MARCHF8: variants seen among roughly 807,000 people sequenced by gnomAD.
MARCHF8 encodes membrane associated ring-CH-type finger 8, also known as E3 ubiquitin-protein ligase MARCHF8.
MARCHF8 carries 40 observed loss-of-function variants against 51.6 expected under a neutral mutation model. The observed-to-expected ratio is 0.77, with a 90% CI of 0.60 to 1.01. MARCHF8 has a LOEUF of 1.01. Among genes scored for constraint, MARCHF8 ranks in the 50% least tolerant of loss-of-function variants. MARCHF8 has a pLI of 0.00. For missense variants in MARCHF8, 685 were observed against 708.6 expected, an observed-to-expected ratio of 0.97 and a Z score of 0.38; for synonymous variants, 263 against 280.3, an observed-to-expected ratio of 0.94 and a Z score of 0.62.
At chr10:45,579,823 G>A (rs2044532457) in intron 1 of MARCHF8, among the ~76,000 whole-genome samples, 2 of 151,916 alleles carry the variant, frequency 1.3e-5, no homozygotes, top group African/African-American at 4.8e-5. Flanking sequence ...AGACCAGCCT[G>A]GCCAACATGG....
chr10:45,501,909 T>C (rs1457446098), intron 2 of MARCHF8, among the ~76,000 whole-genome samples: 1 of 152,070 alleles, frequency 6.6e-6, no homozygotes, highest in Non-Finnish European at 1.5e-5. Flanking sequence ...GGCCATTAGA[T>C]AAATGAAAGT....
intron 1 of MARCHF8, among the ~76,000 whole-genome samples, chr10:45,550,020 C>T (rs966261055): frequency 6.6e-6 from 1 of 152,196 alleles, no homozygotes; most frequent in Non-Finnish European, 1.5e-5. Context: ...AGTCATACTG[C>T]AAACAGGCAG....
At chr10:45,496,330 T>C (rs757136093) in intron 2 of MARCHF8, among the ~76,000 whole-genome samples, 10 of 152,192 alleles carry the variant, frequency 6.6e-5, no homozygotes, top group Non-Finnish European at 1.3e-4. Context: ...TATAATTGTA[T>C]TGTTAAACCT....
intron 1 of MARCHF8, among the ~76,000 whole-genome samples, chr10:45,561,566 G>A (rs1482992288): frequency 2.0e-5 from 3 of 149,152 alleles, no homozygotes; most frequent in Admixed American, 6.7e-5. Flanking sequence ...GAGCCACCAC[G>A]CCCAGCCGAA....
At chr10:45,564,932 A>C (rs2044347732) in intron 1 of MARCHF8, among the ~76,000 whole-genome samples, 1 of 151,844 alleles carries the variant, frequency 6.6e-6, no homozygotes, top group African/African-American at 2.4e-5. Context: ...TCTGATAAAC[A>C]AAAACTAAGG....
At chr10:45,468,531 CTGATT>C (rs1048897812) in intron 3 of MARCHF8, among the ~76,000 whole-genome samples, 9 of 152,270 alleles carry the variant, frequency 5.9e-5, no homozygotes, top group African/African-American at 2.2e-4. Context: ...ATTTGCCCAT[CTGATT>C]TATTTCAAAA....
At chr10:45,503,647 T>C (rs1315054202) in intron 2 of MARCHF8, among the ~76,000 whole-genome samples, 1 of 151,896 alleles carries the variant, frequency 6.6e-6, no homozygotes, top group Non-Finnish European at 1.5e-5. Flanking sequence ...ATACAGGTAG[T>C]GTAAAATAAA....
intron 2 of MARCHF8, among the ~76,000 whole-genome samples, chr10:45,504,657 T>G (rs919168589): frequency 6.6e-6 from 1 of 152,234 alleles, no homozygotes; most frequent in African/African-American, 2.4e-5. Flanking sequence ...CCATACAGTA[T>G]GAATTTCATT....
In MARCHF8 at chr10:45,482,697, G is replaced by A. The variant is rs974840320; in HGVS notation, c.153+6670C>T. Reference sequence around the variant, plus strand: ...TTGAACCCAGGAGGCAGAGGTTGCAGTGAGCCTAGATAGTGCCACTGCACT... The same window carrying A: ...TTGAACCCAGGAGGCAGAGGTTGCAATGAGCCTAGATAGTGCCACTGCACT... On this transcript the variant is annotated intron_variant, in intron 3 of 7. Transcript: ENST00000453424. 2.0e-5 allele frequency among the ~76,000 whole-genome samples: 3 copies of A among 152,340 alleles called. No individual in the cohort carries two copies. The East Asian group carries it at 5.8e-4, about 29-fold the overall frequency.
intron 2 of MARCHF8, among the ~76,000 whole-genome samples, chr10:45,495,672 T>C (rs1035854934): frequency 1.3e-4 from 18 of 142,388 alleles, no homozygotes; most frequent in African/African-American, 4.5e-4. Flanking sequence ...TTTATGGCCA[T>C]GAAGAAGAGG....
intron 3 of MARCHF8, among the ~76,000 whole-genome samples, chr10:45,477,390 C>T (rs921557010): frequency 7.2e-5 from 11 of 152,032 alleles, no homozygotes; most frequent in African/African-American, 1.9e-4. Context: ...TGAAAACATA[C>T]CAAAGTATAA....
intron 6 of MARCHF8, chr10:45,459,992 G>A (rs1842735213): frequency 3.1e-6 from 2 of 653,590 alleles, no homozygotes; most frequent in African/African-American, 3.9e-5. Flanking sequence ...ATGAGTCTAT[G>A]CAGGGTAGTT....
Position 45,463,721 on chromosome 10 carries a change from G to A in MARCHF8, c.518C>T (p.Ala173Val), listed in dbSNP as rs1003649579. ...TTCAGAACAAGTTCTTTCCACATAGGCAAAACTTTCTGAAGTATCCTGCGC... is the reference window on the plus strand; with the variant it reads ...TTCAGAACAAGTTCTTTCCACATAGACAAAACTTTCTGAAGTATCCTGCGC... ...EKAQDTSESF[A>V]YVERTCSEGK... Residue 173 changes from alanine to valine, a missense_variant, in exon 5 of 8, where the codon GCC (alanine) becomes GTC (valine). Ala to Val is a moderately conservative substitution (Grantham distance 64). Coordinates refer to ENST00000453424, the MANE Select transcript of MARCHF8 (RefSeq NM_001282866.2). 7.1e-6 allele frequency: 11 copies of A among 1,551,112 alleles called. No individual in the cohort carries two copies. Among genetic ancestry groups the A allele is most frequent in the Non-Finnish European group, 9.6e-6 (11 of 1,147,110 alleles).
At chr10:45,523,304 T>C (rs2043739449) in intron 2 of MARCHF8, among the ~76,000 whole-genome samples, 1 of 152,222 alleles carries the variant, frequency 6.6e-6, no homozygotes, top group Admixed American at 6.5e-5. Context: ...GGTGGGAGGA[T>C]GGCTTGAGGC....
chr10:45,562,968 A>G (rs185524743), intron 1 of MARCHF8, among the ~76,000 whole-genome samples: 1 of 151,736 alleles, frequency 6.6e-6, no homozygotes, highest in East Asian at 1.9e-4. Context: ...TAAACCAAAC[A>G]TAGATGAGGG....
intron 1 of MARCHF8, among the ~76,000 whole-genome samples, chr10:45,579,392 C>A (rs1386440477): frequency 7.0e-6 from 1 of 142,276 alleles, no homozygotes; most frequent in African/African-American, 2.6e-5. Context: ...AAATGACAGA[C>A]AAAAAGTCAC....
chr10:45,527,480 C>T (rs1037895729), intron 2 of MARCHF8, among the ~76,000 whole-genome samples: 1 of 152,110 alleles, frequency 6.6e-6, no homozygotes, highest in Non-Finnish European at 1.5e-5. Flanking sequence ...CTACCATGAA[C>T]ATCTCTACAC....
intron 2 of MARCHF8, among the ~76,000 whole-genome samples, chr10:45,505,503 G>C (rs2043363399): frequency 6.6e-6 from 1 of 152,154 alleles, no homozygotes; most frequent in South Asian, 2.1e-4. Flanking sequence ...ATGTGATCTA[G>C]TTACTGTTTA....
chr10:45,487,155 CCT>C (rs927865089), intron 3 of MARCHF8, among the ~76,000 whole-genome samples: 41 of 152,118 alleles, frequency 2.7e-4, no homozygotes, highest in African/African-American at 9.9e-4. Context: ...AGAGAGATGT[CCT>C]TTTTCAAAAT....
Sources: gnomAD v4.1 joint callset for allele counts (sites outside exome capture counted in the v4.1 genomes callset) on GRCh38, gnomAD v4.1.1 for gene constraint, MANE v1.5 for transcripts, NCBI Gene and HGNC (gene_info 2026-07-23, HGNC 2026-07-21) for gene names.